CDK6: variants seen among roughly 807,000 people sequenced by gnomAD.
CDK6 encodes cyclin dependent kinase 6, also known as cyclin-dependent kinase 6.
Under a neutral mutation model 37.1 loss-of-function variants are expected in CDK6, and 6 were observed. That is an observed-to-expected ratio of 0.16 (90% CI 0.09 to 0.32). The LOEUF is 0.32. CDK6 is among the 10% of genes least tolerant of loss of function. The probability of loss-of-function intolerance (pLI) is 1.00; values close to 1 mark genes in which losing one functional copy is unlikely to be tolerated. For synonymous variants in CDK6, 160 were observed against 161.3 expected (o/e 0.99, Z 0.06); for missense variants, 224 against 418.9 (o/e 0.53, Z 4.06).
At chr7:92,686,749 T>G (rs979115084) in intron 4 of CDK6, among the ~76,000 whole-genome samples, 9 of 152,302 alleles carry the variant, frequency 5.9e-5, no homozygotes, top group Non-Finnish European at 8.8e-5. Flanking sequence ...CCACCAACAG[T>G]GTAAAAGTGT....
chr7:92,720,371 T>C (rs995227859), intron 4 of CDK6, among the ~76,000 whole-genome samples: 2 of 152,144 alleles, frequency 1.3e-5, no homozygotes, highest in African/African-American at 4.8e-5. Context: ...AATATAAACA[T>C]TAGAATTCTC....
chr7:92,745,535 GT>G (rs760609772), intron 3 of CDK6, among the ~76,000 whole-genome samples: 6 of 152,110 alleles, frequency 3.9e-5, no homozygotes, highest in Non-Finnish European at 7.4e-5. Context: ...AATGTGTTCT[GT>G]TTTCAAAGGC....
At position 92,750,516 on chromosome 7, in the gene CDK6, C is replaced by T. The variant is rs115195314; in HGVS notation, c.369+24180G>A. ...AAGATTTCAATTTGGGTTGCCACTA[C>T]GCCATATTTTGAAAATTACAAGAAA... On this transcript the variant is annotated intron_variant, in intron 3 of 7. Transcript: ENST00000424848. 6.2e-3 allele frequency among the ~76,000 whole-genome samples: 943 copies of T among 152,240 alleles called. 13 individuals carry two copies. Among genetic ancestry groups the T allele is most frequent in the African/African-American group, 0.021 (867 of 41,558 alleles).
intron 5 of CDK6, among the ~76,000 whole-genome samples, chr7:92,641,410 T>C (rs1796302304): frequency 6.6e-6 from 1 of 152,216 alleles, no homozygotes; most frequent in South Asian, 2.1e-4. Context: ...ACTATAATTA[T>C]GTATTTTGAT....
At chr7:92,678,392 C>A (rs1242054200) in intron 4 of CDK6, among the ~76,000 whole-genome samples, 3 of 151,732 alleles carry the variant, frequency 2.0e-5, no homozygotes, top group Non-Finnish European at 2.9e-5. Context: ...TATTAACAGC[C>A]TCTAGAGGTG....
chr7:92,833,931 G>A lies in CDK6; in HGVS notation c.-367-241C>T, dbSNP rs1378540043. ...CGCGGAGAGGTTGCAGGGGCCCCTC[G>A]GGGATGAGCGAGCGGCGCGGGACGC... On this transcript the variant is annotated intron_variant, in intron 1 of 7. Coordinates refer to ENST00000424848, the MANE Select transcript of CDK6 (RefSeq NM_001145306.2). The surrounding 1 kb of genome is among the most constrained non-coding windows in gnomAD (Gnocchi z 6.1). 2.5e-6 allele frequency: 1 copy of A among 398,924 alleles called. No homozygotes were observed. The highest frequency in any genetic ancestry group is 4.4e-6 in the Non-Finnish European group (1 of 226,326). 24.7% of individuals were successfully genotyped at this position (398,924 alleles called of 1,614,324 possible).
At chr7:92,774,959 T>C (rs1310165992) in intron 2 of CDK6, 128 bp from the exon 3 acceptor site, 5 of 802,274 alleles carry the variant, frequency 6.2e-6, no homozygotes, top group Non-Finnish European at 9.6e-6. Context: ...TTTCTTGTGA[T>C]CATATGTAAA....
intron 4 of CDK6, among the ~76,000 whole-genome samples, chr7:92,681,590 C>T (rs1023831126): frequency 1.3e-5 from 2 of 152,154 alleles, no homozygotes; most frequent in African/African-American, 4.8e-5. Flanking sequence ...CCATGTTAGT[C>T]CTGGACAGTG....
In CDK6 at chr7:92,608,860, C is replaced by CT; in HGVS notation, c.*6279dup. The CT allele has an allele frequency of 4.3e-6, 1 of 232,434 alleles. No homozygotes were observed. The highest frequency in any genetic ancestry group is 2.2e-5 in the African/African-American group (1 of 45,368). The allele number at this position is 232,434 out of a possible 1,614,324, so 14.4% of individuals were successfully genotyped here. A position where few individuals can be genotyped will look rare whatever the true frequency, so the allele number is the denominator to read the frequency against. On this transcript the variant is annotated 3_prime_UTR_variant, in exon 8 of 8. Transcript: ENST00000424848. ...CCCAGCCCGGCCTCGCCCACTGCCT[C>CT]TCTCCTGCCAAAGGGGCGGGGCAAC...
chr7:92,675,077 G>A (rs1197385209), intron 4 of CDK6, among the ~76,000 whole-genome samples: 1 of 152,116 alleles, frequency 6.6e-6, no homozygotes, highest in African/African-American at 2.4e-5. Flanking sequence ...CAGGTGATCT[G>A]CCCACCTCAG....
chr7:92,644,275 T>A (rs1796388736), intron 5 of CDK6, among the ~76,000 whole-genome samples: 1 of 152,222 alleles, frequency 6.6e-6, no homozygotes, highest in Non-Finnish European at 1.5e-5. Flanking sequence ...TATAATTAAC[T>A]GCATTTTCTC....
chr7:92,755,485 A>G (rs1216895672), intron 3 of CDK6, among the ~76,000 whole-genome samples: 1 of 152,066 alleles, frequency 6.6e-6, no homozygotes, highest in African/African-American at 2.4e-5. Flanking sequence ...CTCACATGAA[A>G]CATGGCGAGG....
chr7:92,809,770 C>A (rs959901865), intron 2 of CDK6, among the ~76,000 whole-genome samples: 1 of 152,156 alleles, frequency 6.6e-6, no homozygotes, highest in African/African-American at 2.4e-5. Context: ...GGAAAGACTG[C>A]AAATTTTTGA....
intron 4 of CDK6, among the ~76,000 whole-genome samples, chr7:92,684,992 T>A (rs1797416486): frequency 6.6e-6 from 1 of 152,224 alleles, no homozygotes; most frequent in Admixed American, 6.5e-5. Context: ...ATATGTAATA[T>A]GTGTCCTAGC....
At chr7:92,791,326 C>T (rs1800277660) in intron 2 of CDK6, among the ~76,000 whole-genome samples, 1 of 152,106 alleles carries the variant, frequency 6.6e-6, no homozygotes, top group African/African-American at 2.4e-5. Context: ...ACAGCTCTGA[C>T]AGAACATTGC....
At chr7:92,647,727 C>T (rs978317271) in intron 5 of CDK6, among the ~76,000 whole-genome samples, 3 of 152,176 alleles carry the variant, frequency 2.0e-5, no homozygotes, top group Admixed American at 6.5e-5. Flanking sequence ...ATATTTTCAT[C>T]TAAATATTGC....
At chr7:92,655,142 G>A (rs2116567765) in intron 5 of CDK6, among the ~76,000 whole-genome samples, 1 of 151,720 alleles carries the variant, frequency 6.6e-6, no homozygotes, top group South Asian at 2.1e-4. Flanking sequence ...CATTGCACCT[G>A]GCCACCAAAT....
At chr7:92,646,144 A>G (rs894099957) in intron 5 of CDK6, among the ~76,000 whole-genome samples, 1 of 152,194 alleles carries the variant, frequency 6.6e-6, no homozygotes, top group Non-Finnish European at 1.5e-5. Flanking sequence ...GGAAGCCCCT[A>G]TTATTCTAGT....
At chr7:92,705,656 C>CT (rs1797949156) in intron 4 of CDK6, among the ~76,000 whole-genome samples, 1 of 152,200 alleles carries the variant, frequency 6.6e-6, no homozygotes, top group Non-Finnish European at 1.5e-5. Flanking sequence ...CACAACACTA[C>CT]TTATGTGGCC....
Sources: gnomAD v4.1 joint callset for allele counts (sites outside exome capture counted in the v4.1 genomes callset) on GRCh38, gnomAD v4.1.1 for gene constraint, Gnocchi (gnomAD v3.1) non-coding constraint, MANE v1.5 for transcripts, NCBI Gene and HGNC (gene_info 2026-07-23, HGNC 2026-07-21) for gene names.